CADM2: variants seen among roughly 807,000 people sequenced by gnomAD.
CADM2 encodes immunoglobulin superfamily member 4D.
A neutral mutation model predicts 49.8 loss-of-function variants in CADM2; 12 were observed. That is an observed-to-expected ratio of 0.24 (90% CI 0.15 to 0.39). The LOEUF is 0.39. CADM2 is among the 10% of genes least tolerant of loss of function. The probability of loss-of-function intolerance (pLI) is 1.00; values close to 1 mark genes in which losing one functional copy is unlikely to be tolerated. For missense variants in CADM2, 378 were observed against 492.3 expected (o/e 0.77, Z 2.20); for synonymous variants, 214 against 175.4 (o/e 1.22, Z -1.74).
intron 1 of CADM2, among the ~76,000 whole-genome samples, chr3:85,660,454 T>A (rs1017595994): frequency 6.7e-6 from 1 of 148,534 alleles, no homozygotes; most frequent in Non-Finnish European, 1.5e-5. Context: ...TTTTTTTTTT[T>A]AGCTCAAAAT....
At chr3:84,984,048 T>TATATAC (rs1224516135) in intron 1 of CADM2, among the ~76,000 whole-genome samples, 20 of 143,304 alleles carry the variant, frequency 1.4e-4, no homozygotes, top group African/African-American at 4.4e-4. Context: ...TATATATATA[T>TATATAC]ACACACACAC....
chr3:85,075,009 G>A (rs779801464), intron 1 of CADM2, among the ~76,000 whole-genome samples: 21 of 151,994 alleles, frequency 1.4e-4, no homozygotes, highest in Non-Finnish European at 2.4e-4. Context: ...ACCTGATGCT[G>A]TACATATTTG....
At chr3:85,083,273 A>G (rs1336906510) in intron 1 of CADM2, among the ~76,000 whole-genome samples, 1 of 152,112 alleles carries the variant, frequency 6.6e-6, no homozygotes, top group Non-Finnish European at 1.5e-5. Flanking sequence ...AAATTGTGAA[A>G]ACGGTGTTGC....
chr3:85,191,257 A>G (rs905877387), intron 1 of CADM2, among the ~76,000 whole-genome samples: 1 of 151,998 alleles, frequency 6.6e-6, no homozygotes, highest in African/African-American at 2.4e-5. Context: ...ATTTATTCAT[A>G]TACCATTAGA....
intron 1 of CADM2, among the ~76,000 whole-genome samples, chr3:85,272,089 T>TA (rs111483446): frequency 1.1e-3 from 156 of 141,250 alleles, no homozygotes; most frequent in African/African-American, 2.0e-3. Context: ...ATTTTATAGA[T>TA]AAAAAAAAAA....
Position 85,423,539 on chromosome 3 carries a change from C to A in CADM2, c.62-302983C>A, listed in dbSNP as rs533111356. Among the ~76,000 whole-genome samples the A allele has an allele frequency of 6.2e-4, 95 of 152,222 alleles. 1 individual carries two copies. In the South Asian group the frequency reaches 0.019, roughly 31 times the overall value. ...GCCTACGAATAATAATCTAGATTCA[C>A]CTCTGAAGCTATGGAAAGACTCAAC... On this transcript the variant is annotated intron_variant, in intron 1 of 9. Transcript: ENST00000383699.
At chr3:85,153,271 G>A (rs1000645797) in intron 1 of CADM2, among the ~76,000 whole-genome samples, 4 of 152,178 alleles carry the variant, frequency 2.6e-5, no homozygotes, top group Non-Finnish European at 5.9e-5. Context: ...TGCCTCACTC[G>A]GGAAGTGCAA....
At chr3:85,754,013 C>T (rs929579668) in intron 2 of CADM2, among the ~76,000 whole-genome samples, 1 of 152,166 alleles carries the variant, frequency 6.6e-6, no homozygotes, top group African/African-American at 2.4e-5. Flanking sequence ...TGGACTCTTC[C>T]TTTGAGGTGG....
intron 1 of CADM2, among the ~76,000 whole-genome samples, chr3:85,427,216 TAGCTACCATTATTTGA>T: frequency 6.8e-6 from 1 of 147,702 alleles, no homozygotes; most frequent in African/African-American, 2.5e-5. Flanking sequence ...AATAAGTTTG[TAGCTACCATTATTTGA>T]GGGTAAATGC....
At chr3:85,290,831 A>T (rs1310464515) in intron 1 of CADM2, among the ~76,000 whole-genome samples, 2 of 152,184 alleles carry the variant, frequency 1.3e-5, no homozygotes, top group African/African-American at 4.8e-5. Flanking sequence ...AACCACAAAG[A>T]TGGGGAAAAA....
chr3:85,739,310 T>G (rs2068281310), intron 2 of CADM2, among the ~76,000 whole-genome samples: 1 of 152,096 alleles, frequency 6.6e-6, no homozygotes, highest in Non-Finnish European at 1.5e-5. Context: ...CAAAGTAGAT[T>G]AGAGTCTGAA....
chr3:85,178,780 TACGTGAGTCTACTTAA>T (rs1440228691), intron 1 of CADM2, among the ~76,000 whole-genome samples: 5 of 151,726 alleles, frequency 3.3e-5, no homozygotes, highest in African/African-American at 1.2e-4. Flanking sequence ...AATGTAAAAA[TACGTGAGTCTACTTAA>T]ACCTCAGGTT....
intron 1 of CADM2, among the ~76,000 whole-genome samples, chr3:85,694,771 G>C (rs140709538): frequency 6.6e-6 from 1 of 151,882 alleles, no homozygotes; most frequent in South Asian, 2.1e-4. Flanking sequence ...GTGCTTAATC[G>C]TTTCCATAGT....
intron 1 of CADM2, among the ~76,000 whole-genome samples, chr3:85,212,863 T>TC (rs1491309259): frequency 4.6e-4 from 61 of 131,366 alleles, no homozygotes; most frequent in Middle Eastern, 3.6e-3. Context: ...TCTTTCTTTC[T>TC]TTCTTTCTTT....
chr3:85,011,962 A>T (rs953845690), intron 1 of CADM2, among the ~76,000 whole-genome samples: 1 of 152,298 alleles, frequency 6.6e-6, no homozygotes, highest in Admixed American at 6.5e-5. Context: ...TTATATTTAG[A>T]ATATAGTTAA....
At chr3:85,329,865 T>C (rs554174916) in intron 1 of CADM2, among the ~76,000 whole-genome samples, 2 of 152,192 alleles carry the variant, frequency 1.3e-5, no homozygotes, top group Admixed American at 6.5e-5. Context: ...ACTTTTAGAT[T>C]GGCCTTTTTG....
chr3:85,062,297 C>T (rs1040099430), intron 1 of CADM2, among the ~76,000 whole-genome samples: 3 of 152,072 alleles, frequency 2.0e-5, no homozygotes, highest in Non-Finnish European at 4.4e-5. Flanking sequence ...CATAAATACT[C>T]ATGGTAGTCC....
At chr3:85,626,593 A>T (rs1374230936) in intron 1 of CADM2, among the ~76,000 whole-genome samples, 1 of 152,172 alleles carries the variant, frequency 6.6e-6, no homozygotes, top group East Asian at 1.9e-4. Context: ...ATTATCAACA[A>T]AACAGCAATT....
chr3:85,356,520 G>A (rs1343790964), intron 1 of CADM2, among the ~76,000 whole-genome samples: 1 of 152,054 alleles, frequency 6.6e-6, no homozygotes, highest in Admixed American at 6.6e-5. Flanking sequence ...CAGATTTTAA[G>A]TAGAAAAGAT....
Sources: allele counts gnomAD v4.1 joint callset (sites outside exome capture counted in the v4.1 genomes callset), GRCh38; gene constraint gnomAD v4.1.1; transcripts MANE v1.5; gene names NCBI Gene and HGNC (gene_info 2026-07-23, HGNC 2026-07-21).